CFTR: variants seen among roughly 807,000 people sequenced by gnomAD.
CFTR encodes cystic fibrosis transmembrane conductance regulator.
CFTR carries 181 observed loss-of-function variants against 171.6 expected under a neutral mutation model. That is an observed-to-expected ratio of 1.05 (90% confidence interval 0.93 to 1.19). The LOEUF (loss-of-function observed/expected upper bound fraction) is 1.19. CFTR is among the 50% of genes most tolerant of loss of function. CFTR has a pLI of 0.00. For missense variants in CFTR, 1,968 were observed against 1,734.7 expected (o/e 1.13, Z -2.39); for synonymous variants, 583 against 608.0 (o/e 0.96, Z 0.60).
At chr7:117,664,926 G>A (rs1793348811) in intron 25 of CFTR, 66 bp downstream of exon 25, 2 of 1,521,078 alleles carry the variant, frequency 1.3e-6, no homozygotes, top group African/African-American at 2.7e-5. Context: ...CTGCTTCATG[G>A]TGACACATAT....
At chr7:117,658,020 G>A (rs143602192) in intron 24 of CFTR, among the ~76,000 whole-genome samples, 1 of 152,098 alleles carries the variant, frequency 6.6e-6, no homozygotes, top group East Asian at 1.9e-4. Context: ...TATTTCCTGG[G>A]TCCACACCTT....
chr7:117,653,148 G>A (rs1276186030), intron 24 of CFTR, among the ~76,000 whole-genome samples: 1 of 152,136 alleles, frequency 6.6e-6, no homozygotes, highest in African/African-American at 2.4e-5. Flanking sequence ...CAACACAAAT[G>A]GTTGATATGG....
intron 11 of CFTR, among the ~76,000 whole-genome samples, chr7:117,567,569 T>A (rs1403504545): frequency 6.6e-6 from 1 of 152,208 alleles, no homozygotes; most frequent in Non-Finnish European, 1.5e-5. Flanking sequence ...AAGAAATAGA[T>A]TTCAATAAAT....
chr7:117,538,306 A>G (rs1313575825), intron 7 of CFTR, among the ~76,000 whole-genome samples: 1 of 152,000 alleles, frequency 6.6e-6, no homozygotes, highest in Non-Finnish European at 1.5e-5. Flanking sequence ...CTGAAAATCC[A>G]CTCTTTTATT....
intron 21 of CFTR, among the ~76,000 whole-genome samples, chr7:117,623,995 C>CT (rs1214655534): frequency 1.0e-4 from 15 of 148,576 alleles, no homozygotes; most frequent in African/African-American, 1.7e-4. Context: ...GATTTGGATT[C>CT]TTTTTTTTTT....
chr7:117,535,489 C>A, intron 6 of CFTR, 78 bp downstream of exon 6: 1 of 1,175,176 alleles, frequency 8.5e-7, no homozygotes, highest in Non-Finnish European at 1.3e-6. Context: ...ACCAGGACTG[C>A]TCTATGCATA....
chr7:117,559,689 A>T, intron 11 of CFTR, 34 bp downstream of exon 11: 1 of 1,452,288 alleles, frequency 6.9e-7, no homozygotes, highest in Non-Finnish European at 9.7e-7. Flanking sequence ...TTGATTATGC[A>T]TATGAACCCT....
At chr7:117,538,109 T>C (rs1344765833) in intron 7 of CFTR, among the ~76,000 whole-genome samples, 1 of 152,212 alleles carries the variant, frequency 6.6e-6, no homozygotes, top group African/African-American at 2.4e-5. Context: ...GTAACCTGTA[T>C]AATCTGGCAT....
At chr7:117,519,621 A>T (rs1798654265) in intron 3 of CFTR, among the ~76,000 whole-genome samples, 1 of 151,978 alleles carries the variant, frequency 6.6e-6, no homozygotes, top group South Asian at 2.1e-4. Context: ...TTTGATGTTA[A>T]TCCTTCCAGC....
intron 3 of CFTR, among the ~76,000 whole-genome samples, chr7:117,520,216 G>T (rs1379052413): frequency 6.8e-6 from 1 of 147,116 alleles, no homozygotes; most frequent in East Asian, 2.0e-4. Context: ...ATATATGAGA[G>T]AATATTTTCC....
intron 2 of CFTR, among the ~76,000 whole-genome samples, chr7:117,507,378 A>G (rs1250241113): frequency 6.6e-6 from 1 of 152,214 alleles, no homozygotes; most frequent in Non-Finnish European, 1.5e-5. Flanking sequence ...CCATGTTCCT[A>G]AAACTACATT....
chr7:117,515,719 T>C (rs1798586405), intron 3 of CFTR, among the ~76,000 whole-genome samples: 3 of 152,240 alleles, frequency 2.0e-5, no homozygotes, highest in Middle Eastern at 3.2e-3. Context: ...GGGAATAGCA[T>C]TGAAATTATA....
chr7:117,549,131 C>T, intron 10 of CFTR, among the ~76,000 whole-genome samples: 1 of 152,318 alleles, frequency 6.6e-6, no homozygotes, highest in Non-Finnish European at 1.5e-5. Flanking sequence ...TCCATTTTAT[C>T]CATTCTTAAC....
Position 117,604,346 on chromosome 7 carries a change from G to C in CFTR, c.2908+564G>C, listed in dbSNP as rs34339278. 3.4e-3 allele frequency among the ~76,000 whole-genome samples: 520 copies of C among 152,152 alleles called. 4 individuals carry two copies. Among genetic ancestry groups the C allele is most frequent in the African/African-American group, 0.012 (503 of 41,524 alleles). On this transcript the variant is annotated intron_variant, in intron 17 of 26. Transcript: ENST00000003084. Reference sequence around the variant, plus strand: ...TACTAAAAATTTTAAAAACTAATAAGGTACTTTGAAAGAAATCAATTATGT... The same window carrying C: ...TACTAAAAATTTTAAAAACTAATAACGTACTTTGAAAGAAATCAATTATGT...
intron 3 of CFTR, among the ~76,000 whole-genome samples, chr7:117,512,075 G>T (rs2116645644): frequency 6.6e-6 from 1 of 152,168 alleles, no homozygotes; most frequent in South Asian, 2.1e-4. Context: ...CACATTCTTA[G>T]TCCCTCTAAA....
rs1053559484 is a variant in CFTR at position 117,668,512 on chromosome 7, T to C, written c.*1404T>C. 8 of 152,636 alleles carry C rather than the reference T, an allele frequency of 5.2e-5. No homozygotes were observed. The highest frequency in any genetic ancestry group is 1.9e-4 in the African/African-American group (8 of 41,454). 9.5% of individuals were successfully genotyped at this position (152,636 alleles called of 1,614,324 possible). A position where few individuals can be genotyped will look rare whatever the true frequency, so the allele number is the denominator to read the frequency against. On this transcript the variant is annotated 3_prime_UTR_variant, in exon 27 of 27. Transcript: ENST00000003084. ...TTCCCAGCCAGCACAGCCTCTTAGA[T>C]GCAGTTCTGAAGAAGATGGTACCAC...
Position 117,611,548 on chromosome 7 carries a change from A to G in CFTR, c.3140-33A>G, listed in dbSNP as rs373016758. ...TGAAATTACATTTTGTGTTTATGTT[A>G]TTTGCAATGTTTTCTATGGAAATAT... is the stretch of plus-strand genomic sequence containing the variant. On this transcript the variant is annotated intron_variant, in intron 19 of 26. Transcript: ENST00000003084. 1.4e-4 allele frequency: 166 copies of G among 1,222,718 alleles called. No individual in the cohort carries two copies. Among genetic ancestry groups the G allele is most frequent in the Non-Finnish European group, 1.9e-4 (159 of 827,206 alleles). 75.7% of individuals were successfully genotyped at this position (1,222,718 alleles called of 1,614,324 possible).
rs1285760883 is a variant in CFTR at position 117,565,974 on chromosome 7, AG to A, written c.1584+6321del. On this transcript the variant is annotated intron_variant, in intron 11 of 26. Coordinates refer to ENST00000003084, the MANE Select transcript of CFTR (RefSeq NM_000492.4). ...ATTTGAATTTGACCTCCTGCTTTCC[AG>A]GTCTGGTAAAAACTAACCTGTAAGA... Among the ~76,000 whole-genome samples the A allele has an allele frequency of 6.6e-6, 1 of 152,160 alleles. No homozygotes were observed. Among genetic ancestry groups the A allele is most frequent in the South Asian group, 2.1e-4 (1 of 4,834 alleles).
intron 21 of CFTR, among the ~76,000 whole-genome samples, chr7:117,625,120 A>G (rs971641095): frequency 2.6e-5 from 4 of 152,096 alleles, no homozygotes; most frequent in African/African-American, 9.7e-5. Flanking sequence ...AAATGTTCTC[A>G]CCCACTGAAT....
Sources: allele counts gnomAD v4.1 joint callset (sites outside exome capture counted in the v4.1 genomes callset), GRCh38; gene constraint gnomAD v4.1.1; transcripts MANE v1.5; gene names NCBI Gene and HGNC (gene_info 2026-07-23, HGNC 2026-07-21).